Variants in MAP7D2 observed in about 807,000 individuals in gnomAD.
The protein encoded by MAP7D2 is MAP7 domain-containing protein 2.
A neutral mutation model predicts 63.5 loss-of-function variants in MAP7D2; 33 were observed. The ratio of observed to expected loss-of-function variants is 0.52; its 90% CI spans 0.39 to 0.70. The LOEUF is 0.70. MAP7D2 is among the 30% of genes least tolerant of loss of function. The pLI is 0.00. For synonymous variants in MAP7D2, 224 were observed against 223.7 expected (o/e 1.00, Z -0.01); for missense variants, 626 against 604.0 (o/e 1.04, Z -0.38).
chrX:20,044,272 A>C (rs1472903662), intron 7 of MAP7D2, 92 bp downstream of exon 7: 4 of 942,362 alleles, frequency 4.2e-6, no homozygotes, highest in East Asian at 6.2e-5. Context: ...AGATTGATGG[A>C]AACAGACAGC....
At chrX:20,025,636 AG>A (rs1171740081) in intron 9 of MAP7D2, 44 bp downstream of exon 9, 3 of 1,198,154 alleles carry the variant, frequency 2.5e-6, no homozygotes, top group Non-Finnish European at 3.4e-6. Context: ...ATTGGGTCTG[AG>A]GAGAACCGTC....
chrX:20,067,473 A>G (rs1163577839), intron 1 of MAP7D2, among the ~76,000 whole-genome samples: 1 of 111,182 alleles, frequency 9.0e-6, no homozygotes, highest in Admixed American at 9.6e-5. Flanking sequence ...AAGAGGTAAT[A>G]ACTGAGCAGT....
chrX:20,037,217 A>T (rs2064519119), intron 8 of MAP7D2, among the ~76,000 whole-genome samples: 1 of 111,477 alleles, frequency 9.0e-6, no homozygotes, highest in Admixed American at 9.6e-5. Context: ...TGTGATCTGA[A>T]CTGCCTATCA....
intron 3 of MAP7D2, among the ~76,000 whole-genome samples, chrX:20,059,681 C>T (rs190116363): frequency 0.017 from 1,348 of 80,617 alleles, 8 homozygotes; most frequent in Middle Eastern, 0.033. Flanking sequence ...GGAAGAAAGA[C>T]AGGAAGGAAG....
chrX:20,076,161 G>T (rs552138830), intron 1 of MAP7D2, among the ~76,000 whole-genome samples: 3 of 111,436 alleles, frequency 2.7e-5, no homozygotes, highest in Admixed American at 9.6e-5. Flanking sequence ...CTAGTCTAGG[G>T]ACCACGCTCT....
chrX:20,097,786 A>G (rs2066311832), intron 1 of MAP7D2, among the ~76,000 whole-genome samples: 1 of 111,697 alleles, frequency 9.0e-6, no homozygotes, highest in African/African-American at 3.3e-5. Context: ...CCACCAAAGT[A>G]TAAGTGACTG....
At chrX:20,021,054 G>A (rs993303670) in intron 10 of MAP7D2, among the ~76,000 whole-genome samples, 1 of 111,907 alleles carries the variant, frequency 8.9e-6, no homozygotes, top group Non-Finnish European at 1.9e-5. Flanking sequence ...AAAGTGATCC[G>A]TCTAGGAATC....
At chrX:20,088,468 G>GTTTTTTTTTTTTTT (rs779366726) in intron 1 of MAP7D2, among the ~76,000 whole-genome samples, 3 of 41,057 alleles carry the variant, frequency 7.3e-5, no homozygotes, top group African/African-American at 1.8e-4. Flanking sequence ...CTAATTTTCA[G>GTTTTTTTTTTTTTT]TTTTTTTTTT....
At position 20,026,186 on chromosome X, in the gene MAP7D2, T is replaced by C. The variant is rs114251908; in HGVS notation, c.1008-234A>G. Among the ~76,000 whole-genome samples the C allele has an allele frequency of 5.6e-3, 620 of 111,644 alleles. 5 individuals carry two copies. Among genetic ancestry groups the C allele is most frequent in the African/African-American group, 0.019 (586 of 30,721 alleles). On this transcript the variant is annotated intron_variant, in intron 8 of 16. Coordinates refer to ENST00000379643, the MANE Select transcript of MAP7D2 (RefSeq NM_001168465.2). Reference sequence around the variant, plus strand: ...ACATTTTAAGAAGCCCAGCTGATGATGCCATGTCCTAATCTCACTTAGGTT... The same window carrying C: ...ACATTTTAAGAAGCCCAGCTGATGACGCCATGTCCTAATCTCACTTAGGTT...
At chrX:20,041,809 CA>C (rs1276531326) in intron 8 of MAP7D2, among the ~76,000 whole-genome samples, 1 of 111,813 alleles carries the variant, frequency 8.9e-6, no homozygotes, top group African/African-American at 3.3e-5. Flanking sequence ...TTGGTGGTCA[CA>C]AAGTTATTGT....
chrX:20,013,774 TC>T, intron 12 of MAP7D2, 149 bp from the exon 13 acceptor site: 2 of 443,471 alleles, frequency 4.5e-6, no homozygotes, highest in Non-Finnish European at 7.6e-6. Context: ...AGAAAGGTTT[TC>T]CACTAGTTTT....
chrX:20,020,520 T>C (rs2073598248), intron 10 of MAP7D2, among the ~76,000 whole-genome samples: 1 of 112,196 alleles, frequency 8.9e-6, no homozygotes, highest in East Asian at 2.8e-4. Flanking sequence ...GATAAGCCTA[T>C]GTCTTATCAA....
At position 20,010,953 on chromosome X, in the gene MAP7D2, G is replaced by C. The variant is rs1056255733; in HGVS notation, c.2172C>G (p.Ala724=). The C allele has an allele frequency of 8.3e-7, 1 of 1,210,933 alleles. No homozygotes were observed. The highest frequency in any genetic ancestry group is 2.2e-5 in the Admixed American group (1 of 45,927). ...AATCTAAGAGATCTTGAAGTGCTCG[G>C]GCATTACCAGTTCCATTTTGGTCCA... ...VSLDQNGTGN[A]RALQDLLDFT... is the part of the protein sequence containing the mutation. The change falls in exon 16 of 17, where the codon GCC becomes GCG. Residue 724 remains alanine (A), a synonymous_variant. Coordinates refer to ENST00000379643, the MANE Select transcript of MAP7D2 (RefSeq NM_001168465.2).
intron 1 of MAP7D2, among the ~76,000 whole-genome samples, chrX:20,076,041 T>C (rs1033402948): frequency 2.7e-5 from 3 of 111,053 alleles, no homozygotes; most frequent in Admixed American, 9.6e-5. Context: ...TTAGAGGGCT[T>C]ATTAAAAACT....
intron 1 of MAP7D2, among the ~76,000 whole-genome samples, chrX:20,094,524 A>G (rs1386316727): frequency 3.4e-4 from 5 of 14,845 alleles, no homozygotes; most frequent in African/African-American, 2.5e-3. Context: ...ATGTATATAT[A>G]TATATATATA....
intron 4 of MAP7D2, among the ~76,000 whole-genome samples, chrX:20,053,776 G>A (rs1425655227): frequency 1.8e-5 from 2 of 111,896 alleles, no homozygotes; most frequent in African/African-American, 6.5e-5. Context: ...TCTGCTCATC[G>A]TGTTTTCCCA....
At chrX:20,068,608 T>C (rs1171086941) in intron 1 of MAP7D2, among the ~76,000 whole-genome samples, 1 of 112,174 alleles carries the variant, frequency 8.9e-6, no homozygotes, top group African/African-American at 3.2e-5. Flanking sequence ...GCACAAACCA[T>C]GGCCTCTAAC....
At chrX:20,048,103 C>A (rs1027112746) in intron 6 of MAP7D2, among the ~76,000 whole-genome samples, 1 of 111,548 alleles carries the variant, frequency 9.0e-6, no homozygotes, top group African/African-American at 3.3e-5. Flanking sequence ...CTAAGGCCTG[C>A]TTACAAGGTT....
intron 1 of MAP7D2, among the ~76,000 whole-genome samples, chrX:20,085,026 TG>T (rs2065876783): frequency 8.9e-6 from 1 of 111,733 alleles, no homozygotes; most frequent in African/African-American, 3.3e-5. Flanking sequence ...CCTCACAATC[TG>T]GAGTGGGAAG....
Sources: gnomAD v4.1 joint callset for allele counts (sites outside exome capture counted in the v4.1 genomes callset) on GRCh38, gnomAD v4.1.1 for gene constraint, MANE v1.5 for transcripts, NCBI Gene and HGNC (gene_info 2026-07-23, HGNC 2026-07-21) for gene names.